PABPC4L: variants seen among roughly 807,000 people sequenced by gnomAD.
The protein encoded by PABPC4L is poly(A) binding protein cytoplasmic 4 like.
For synonymous variants in PABPC4L, 169 were observed against 164.1 expected (o/e 1.03, Z -0.23); for missense variants, 452 against 451.4 (o/e 1.00, Z -0.01).
the PABPC4L span, among the ~76,000 whole-genome samples, chr4:133,956,670 T>A: frequency 6.6e-6 from 1 of 152,152 alleles, no homozygotes; most frequent in South Asian, 2.1e-4. Context: ...CATGCTGCTA[T>A]GAAGAAATAT....
At chr4:134,155,289 A>G in the PABPC4L span, among the ~76,000 whole-genome samples, 8 of 152,008 alleles carry the variant, frequency 5.3e-5, no homozygotes, top group African/African-American at 1.7e-4. Context: ...TTTGTCTATT[A>G]CATAACTTTA....
the PABPC4L span, among the ~76,000 whole-genome samples, chr4:133,989,106 AT>A: frequency 1.3e-5 from 2 of 151,568 alleles, no homozygotes; most frequent in South Asian, 2.1e-4. Flanking sequence ...CCATGAAAGC[AT>A]TTTTTTTCCT....
chr4:134,152,657 G>GT, the PABPC4L span, among the ~76,000 whole-genome samples: 12 of 152,298 alleles, frequency 7.9e-5, no homozygotes, highest in African/African-American at 2.9e-4. Context: ...CCATTGCCCA[G>GT]TTTCAAAGCT....
the PABPC4L span, among the ~76,000 whole-genome samples, chr4:134,112,380 T>C: frequency 6.6e-6 from 1 of 151,938 alleles, no homozygotes; most frequent in African/African-American, 2.4e-5. Flanking sequence ...TATCGTTGTC[T>C]CTTTTTTCAC....
At chr4:133,971,354 G>A in the PABPC4L span, among the ~76,000 whole-genome samples, 5 of 151,706 alleles carry the variant, frequency 3.3e-5, no homozygotes, top group South Asian at 4.2e-4. Flanking sequence ...TTCGTGATCC[G>A]CCCGCCTCAT....
the PABPC4L span, among the ~76,000 whole-genome samples, chr4:133,994,837 T>C: frequency 6.6e-6 from 1 of 152,134 alleles, no homozygotes; most frequent in South Asian, 2.1e-4. Flanking sequence ...AAATAATATC[T>C]CACTATTAAT....
the PABPC4L span, among the ~76,000 whole-genome samples, chr4:134,107,569 A>G: frequency 6.6e-6 from 1 of 151,562 alleles, no homozygotes; most frequent in Non-Finnish European, 1.5e-5. Flanking sequence ...TTCAGCGAGC[A>G]TCTTCTATTT....
At chr4:134,040,818 A>C in the PABPC4L span, among the ~76,000 whole-genome samples, 3 of 152,280 alleles carry the variant, frequency 2.0e-5, no homozygotes, top group African/African-American at 4.8e-5. Flanking sequence ...AATTTTTGCA[A>C]TCTACCCATC....
chr4:133,966,187 T>C, the PABPC4L span, among the ~76,000 whole-genome samples: 2 of 152,116 alleles, frequency 1.3e-5, no homozygotes, highest in Non-Finnish European at 2.9e-5. Context: ...GATATACAAA[T>C]GGCCAACGAA....
chr4:134,090,860 A>G, the PABPC4L span, among the ~76,000 whole-genome samples: 2 of 151,926 alleles, frequency 1.3e-5, no homozygotes. Flanking sequence ...TAGCGTATTT[A>G]CTTGTATATT....
chr4:134,022,428 A>C, the PABPC4L span, among the ~76,000 whole-genome samples: 29 of 152,096 alleles, frequency 1.9e-4, no homozygotes, highest in South Asian at 4.1e-4. Flanking sequence ...ACATGCATGC[A>C]CGCACACACG....
the PABPC4L span, among the ~76,000 whole-genome samples, chr4:133,976,222 G>A: frequency 2.3e-3 from 343 of 152,180 alleles, 3 homozygotes; most frequent in Non-Finnish European, 2.3e-3. Context: ...TTTTCTGTTT[G>A]TCTGTTAGTT....
the PABPC4L span, among the ~76,000 whole-genome samples, chr4:134,063,245 G>A: frequency 6.6e-6 from 1 of 152,030 alleles, no homozygotes; most frequent in Non-Finnish European, 1.5e-5. Flanking sequence ...AAGAAGCTAA[G>A]TTGAGCTTCT....
At chr4:134,026,625 C>T in the PABPC4L span, among the ~76,000 whole-genome samples, 4 of 152,040 alleles carry the variant, frequency 2.6e-5, no homozygotes, top group Admixed American at 2.0e-4. Flanking sequence ...TTGTGTCCCC[C>T]CCCAAAATTC....
the PABPC4L span, among the ~76,000 whole-genome samples, chr4:134,045,962 T>A: frequency 6.6e-6 from 1 of 152,154 alleles, no homozygotes; most frequent in East Asian, 1.9e-4. Context: ...ATCTTTGTTA[T>A]TTTCAGCTCT....
At chr4:134,066,994 ATTC>A in the PABPC4L span, among the ~76,000 whole-genome samples, 3 of 151,966 alleles carry the variant, frequency 2.0e-5, no homozygotes, top group Non-Finnish European at 4.4e-5. Flanking sequence ...ATTGCCTTGA[ATTC>A]TTCTTTTTGT....
the PABPC4L span, among the ~76,000 whole-genome samples, chr4:134,179,358 G>A: frequency 1.3e-5 from 2 of 152,092 alleles, no homozygotes; most frequent in Admixed American, 6.6e-5. Context: ...ATTGCCAGCA[G>A]ATCTGCCTTA....
the PABPC4L span, among the ~76,000 whole-genome samples, chr4:134,083,907 A>C: frequency 2.0e-5 from 3 of 152,158 alleles, no homozygotes; most frequent in Non-Finnish European, 4.4e-5. Flanking sequence ...AATATTTCCC[A>C]TTCTAAATTT....
chr4:134,073,698 C>T, the PABPC4L span, among the ~76,000 whole-genome samples: 1 of 152,212 alleles, frequency 6.6e-6, no homozygotes, highest in Non-Finnish European at 1.5e-5. Flanking sequence ...CACATCCAAG[C>T]ATTTCCATAT....
Sources: allele counts gnomAD v4.1 joint callset (sites outside exome capture counted in the v4.1 genomes callset), GRCh38; gene constraint gnomAD v4.1.1; transcripts MANE v1.5; gene names NCBI Gene and HGNC (gene_info 2026-07-23, HGNC 2026-07-21).